Variants in QRICH1 observed in about 807,000 individuals in gnomAD.
The protein encoded by QRICH1 is glutamine rich 1.
QRICH1 carries 16 observed loss-of-function variants against 87.1 expected under a neutral mutation model. That is an observed-to-expected ratio of 0.18 (90% CI 0.12 to 0.28). QRICH1 has a LOEUF of 0.28. QRICH1 is among the 10% of genes least tolerant of loss of function. The pLI, the probability that QRICH1 is intolerant of heterozygous loss-of-function variation, is 1.00. For missense variants in QRICH1, 647 were observed against 951.7 expected (o/e 0.68, Z 4.21); for synonymous variants, 367 against 368.4 (o/e 1.00, Z 0.05).
At chr3:49,061,507 T>C (rs549454230) in intron 2 of QRICH1, among the ~76,000 whole-genome samples, 3 of 152,146 alleles carry the variant, frequency 2.0e-5, no homozygotes, top group East Asian at 3.9e-4. Context: ...ATCAGACACA[T>C]AGATAAATTA....
intron 2 of QRICH1, among the ~76,000 whole-genome samples, chr3:49,070,766 T>A (rs1049916213): frequency 6.6e-6 from 1 of 152,208 alleles, no homozygotes; most frequent in African/African-American, 2.4e-5. Flanking sequence ...TAAAAGTATC[T>A]TTTTAGTCAC....
At chr3:49,056,593 A>C (rs2093403790) in intron 3 of QRICH1, among the ~76,000 whole-genome samples, 1 of 152,230 alleles carries the variant, frequency 6.6e-6, no homozygotes, top group Non-Finnish European at 1.5e-5. Context: ...GAGATTACAA[A>C]GAAGTGTCCA....
At chr3:49,077,362 A>C (rs1236095297) in intron 1 of QRICH1, among the ~76,000 whole-genome samples, 3 of 152,184 alleles carry the variant, frequency 2.0e-5, no homozygotes, top group Non-Finnish European at 4.4e-5. Flanking sequence ...AGCACTGGAC[A>C]GTAAATGTCA....
Position 49,029,725 on chromosome 3 carries a change from G to GTCAT in QRICH1, c.*723_*726dup, listed in dbSNP as rs2093221625. 4 of 348,174 alleles carry GTCAT rather than the reference G, an allele frequency of 1.1e-5. No homozygotes were observed. The Admixed American group carries it at 1.4e-4, about 12-fold the overall frequency. 21.6% of individuals were successfully genotyped at this position (348,174 alleles called of 1,614,324 possible). Reference sequence around the variant, plus strand: ...ACTAACATGTTGAAAAGACGTGCTTGTCATTCTTAATAAACAACTAGAGTA... The same window carrying GTCAT: ...ACTAACATGTTGAAAAGACGTGCTTGTCATTCATTCTTAATAAACAACTAGAGTA... On this transcript the variant is annotated 3_prime_UTR_variant, in exon 10 of 10. Transcript: ENST00000395443.
intron 5 of QRICH1, 110 bp from the exon 6 acceptor site, chr3:49,044,614 AC>A: frequency 1.5e-6 from 1 of 687,654 alleles, no homozygotes; most frequent in South Asian, 1.9e-5. Flanking sequence ...ACCCATTCAC[AC>A]CTCAACAAAC....
chr3:49,080,350 A>G (rs2107001637), intron 1 of QRICH1, among the ~76,000 whole-genome samples: 1 of 152,256 alleles, frequency 6.6e-6, no homozygotes, highest in South Asian at 2.1e-4. Flanking sequence ...TTTAAGGTAC[A>G]AAAGTAAAGC....
chr3:49,039,355 T>C (rs952362985), intron 6 of QRICH1, among the ~76,000 whole-genome samples: 1 of 151,050 alleles, frequency 6.6e-6, no homozygotes, highest in Admixed American at 6.6e-5. Context: ...AGGATCTGTC[T>C]CAAATAAATA....
At chr3:49,042,653 A>G (rs1035205762) in intron 6 of QRICH1, among the ~76,000 whole-genome samples, 1 of 151,218 alleles carries the variant, frequency 6.6e-6, no homozygotes, top group Non-Finnish European at 1.5e-5. Context: ...GCTCACCACA[A>G]CCTCCGACTC....
intron 8 of QRICH1, 29 bp from the exon 9 acceptor site, chr3:49,032,302 G>A: frequency 6.4e-7 from 1 of 1,558,642 alleles, no homozygotes; most frequent in Non-Finnish European, 8.8e-7. Context: ...CACCACCACA[G>A]ACCTGGCATC....
chr3:49,080,620 T>C (rs1489183179), intron 1 of QRICH1, among the ~76,000 whole-genome samples: 1 of 152,088 alleles, frequency 6.6e-6, no homozygotes, highest in Non-Finnish European at 1.5e-5. Flanking sequence ...ACCCTATTTC[T>C]CCTCACTCTT....
intron 1 of QRICH1, among the ~76,000 whole-genome samples, chr3:49,078,694 CTTTTTTTTTTTT>C (rs57367580): frequency 3.8e-5 from 3 of 78,922 alleles, no homozygotes; most frequent in South Asian, 3.8e-4. Context: ...CACACCTGTC[CTTTTTTTTTTTT>C]TTTTTTTTTG....
At chr3:49,062,955 G>A (rs574138178) in intron 2 of QRICH1, among the ~76,000 whole-genome samples, 14 of 151,560 alleles carry the variant, frequency 9.2e-5, no homozygotes, top group East Asian at 5.9e-4. Context: ...AGCCAAGATC[G>A]CGCCACTGCA....
chr3:49,036,755 C>T (rs186160927), intron 6 of QRICH1, among the ~76,000 whole-genome samples: 11 of 151,634 alleles, frequency 7.3e-5, no homozygotes, highest in Admixed American at 5.3e-4. Context: ...CATCATGAAC[C>T]CAAAGAGTTA....
chr3:49,090,083 G>A lies in QRICH1; in HGVS notation c.-22+3829C>T, dbSNP rs545762257. Reference sequence around the variant, plus strand: ...TAATCTCAGCACTTTGGGAGGCCAAGGTAGGCAGACCACGAGGTCAGGAGT... The same window carrying A: ...TAATCTCAGCACTTTGGGAGGCCAAAGTAGGCAGACCACGAGGTCAGGAGT... On this transcript the variant is annotated intron_variant, in intron 1 of 9. Transcript: ENST00000395443. Among the ~76,000 whole-genome samples the A allele has an allele frequency of 2.4e-4, 36 of 152,298 alleles. 1 individual carries two copies. Among genetic ancestry groups the A allele is most frequent in the Non-Finnish European group, 4.4e-5 (3 of 68,020 alleles).
chr3:49,036,699 A>C (rs902454337), intron 6 of QRICH1, among the ~76,000 whole-genome samples: 1 of 150,790 alleles, frequency 6.6e-6, no homozygotes, highest in South Asian at 2.1e-4. Flanking sequence ...GAAAAAACAA[A>C]AAAAAAAAAC....
chr3:49,092,398 A>G (rs1292462444), intron 1 of QRICH1: 3 of 152,108 alleles, frequency 2.0e-5, no homozygotes, highest in Non-Finnish European at 4.4e-5. Flanking sequence ...TTAACTCACC[A>G]GTCACCATGT....
intron 6 of QRICH1, among the ~76,000 whole-genome samples, chr3:49,037,561 G>A (rs908644337): frequency 3.3e-5 from 5 of 152,128 alleles, no homozygotes; most frequent in African/African-American, 9.7e-5. Flanking sequence ...GTGAAACCCC[G>A]TATCAACTGA....
At chr3:49,068,475 A>T (rs2106947052) in intron 2 of QRICH1, among the ~76,000 whole-genome samples, 1 of 150,628 alleles carries the variant, frequency 6.6e-6, no homozygotes, top group South Asian at 2.1e-4. Context: ...TTAAAAAAAA[A>T]AAAAAAATTA....
chr3:49,049,519 GCAAAGTCTTGCTCTAC>G (rs913314979), intron 3 of QRICH1, among the ~76,000 whole-genome samples: 2 of 151,908 alleles, frequency 1.3e-5, no homozygotes, highest in African/African-American at 2.4e-5. Context: ...CTTTTTTTGA[GCAAAGTCTTGCTCTAC>G]CACCCAGGCT....
Sources: gnomAD v4.1 joint callset for allele counts (sites outside exome capture counted in the v4.1 genomes callset) on GRCh38, gnomAD v4.1.1 for gene constraint, MANE v1.5 for transcripts, NCBI Gene and HGNC (gene_info 2026-07-23, HGNC 2026-07-21) for gene names.